IL1RAPL2: variants seen among roughly 807,000 people sequenced by gnomAD.
IL1RAPL2 encodes the protein X-linked interleukin-1 receptor accessory protein-like 2.
Under a neutral mutation model 44.1 loss-of-function variants are expected in IL1RAPL2, and 3 were observed. The observed-to-expected ratio is 0.07, with a 90% CI of 0.03 to 0.18. IL1RAPL2 has a LOEUF of 0.18. IL1RAPL2 is among the 10% of genes least tolerant of loss of function. The pLI is 1.00. For synonymous variants in IL1RAPL2, 181 were observed against 178.8 expected, an observed-to-expected ratio of 1.01 and a Z score of -0.10; for missense variants, 391 against 496.4, an observed-to-expected ratio of 0.79 and a Z score of 2.02.
chrX:105,744,969 C>A (rs1185536226), intron 8 of IL1RAPL2, among the ~76,000 whole-genome samples: 1 of 111,343 alleles, frequency 9.0e-6, no homozygotes, highest in Non-Finnish European at 1.9e-5. Flanking sequence ...CCCACCATAC[C>A]TGAATAGAAA....
In IL1RAPL2 at chrX:105,735,075, A is replaced by G. The variant is rs939121230; in HGVS notation, c.903-5471A>G. On this transcript the variant is annotated intron_variant, in intron 7 of 10. Transcript: ENST00000372582. ...TATTTGAGGGATTTAAGAAAAGTTG[A>G]TAATTTTCAGTTTGTTCACTTTTTT... 3.3e-4 allele frequency among the ~76,000 whole-genome samples: 37 copies of G among 111,661 alleles called. 1 individual carries two copies. Among genetic ancestry groups the G allele is most frequent in the Non-Finnish European group, 6.8e-4 (36 of 53,029 alleles).
At chrX:104,876,959 G>A (rs1374097703) in intron 2 of IL1RAPL2, among the ~76,000 whole-genome samples, 2 of 107,694 alleles carry the variant, frequency 1.9e-5, no homozygotes, top group African/African-American at 6.7e-5. Flanking sequence ...AATTCCCACC[G>A]ATGAGTGAGA....
intron 3 of IL1RAPL2, among the ~76,000 whole-genome samples, chrX:105,221,681 G>T (rs1245361220): frequency 8.9e-6 from 1 of 111,972 alleles, no homozygotes; most frequent in Non-Finnish European, 1.9e-5. Context: ...TTAAGTTTCA[G>T]TCTGTTTACA....
intron 6 of IL1RAPL2, among the ~76,000 whole-genome samples, chrX:105,578,127 C>T (rs1289070377): frequency 4.8e-5 from 5 of 103,939 alleles, no homozygotes; most frequent in African/African-American, 7.0e-5. Context: ...TGAGAACGTG[C>T]GGTGTTTGGT....
At chrX:105,493,653 G>T (rs1419146887) in intron 6 of IL1RAPL2, among the ~76,000 whole-genome samples, 1 of 111,167 alleles carries the variant, frequency 9.0e-6, no homozygotes, top group Non-Finnish European at 1.9e-5. Context: ...TAAGCAGCTT[G>T]AAAGTAGTGA....
chrX:105,109,853 CGA>C (rs1488441036), intron 2 of IL1RAPL2, among the ~76,000 whole-genome samples: 1 of 112,156 alleles, frequency 8.9e-6, no homozygotes, highest in African/African-American at 3.2e-5. Flanking sequence ...TTTTAATTTA[CGA>C]GAGAGCAAAG....
intron 6 of IL1RAPL2, among the ~76,000 whole-genome samples, chrX:105,550,962 A>C (rs1213426829): frequency 9.0e-6 from 1 of 111,606 alleles, no homozygotes; most frequent in Non-Finnish European, 1.9e-5. Context: ...TACATACATA[A>C]ATACATACAT....
chrX:105,148,194 AT>A (rs370205904), intron 2 of IL1RAPL2, among the ~76,000 whole-genome samples: 21 of 109,812 alleles, frequency 1.9e-4, no homozygotes, highest in East Asian at 2.9e-4. Context: ...CTAGGAAGCT[AT>A]TTTTTTTTCT....
chrX:104,717,121 A>G (rs1290198561), intron 2 of IL1RAPL2, among the ~76,000 whole-genome samples: 2 of 112,002 alleles, frequency 1.8e-5, no homozygotes, highest in Admixed American at 9.5e-5. Flanking sequence ...TTGCAGGGGC[A>G]TGGATGCAGC....
rs782346881 is a variant in IL1RAPL2 at position 105,195,615 on chromosome X, A to G, written c.223A>G (p.Met75Val). ...STAQSTGLRL[M>V]WYKNKGDLEE... The stretch of plus-strand genomic sequence containing the variant: ...GGCCCAGAGCACTGGGCTCAGGCTT[A>G]TGTGGTACAAAAACAAAGGTGATTT... The change falls in exon 3 of 11, where the codon ATG becomes GTG. Residue 75 changes from methionine (M) to valine (V), a missense_variant. By Grantham distance (21) the Met-to-Val change is conservative. Transcript: ENST00000372582. 1 of 1,210,528 alleles carries G rather than the reference A, an allele frequency of 8.3e-7. No individual in the cohort carries two copies.
At chrX:105,342,136 A>C (rs1218471325) in intron 5 of IL1RAPL2, among the ~76,000 whole-genome samples, 1 of 83,840 alleles carries the variant, frequency 1.2e-5, no homozygotes, top group East Asian at 4.9e-4. Flanking sequence ...AGGAGGGGGA[A>C]CATCACACAC....
chrX:104,708,747 C>T (rs1184849956), intron 2 of IL1RAPL2, among the ~76,000 whole-genome samples: 2 of 110,588 alleles, frequency 1.8e-5, no homozygotes, highest in Non-Finnish European at 3.8e-5. Flanking sequence ...TTGTTATCAT[C>T]TGAGCAGGGA....
At position 105,594,019 on chromosome X, in the gene IL1RAPL2, A is replaced by C. The variant is rs143905215; in HGVS notation, c.772+109632A>C. Among the ~76,000 whole-genome samples the C allele has an allele frequency of 5.1e-3, 567 of 112,200 alleles. 4 individuals are homozygous for C. The highest frequency in any genetic ancestry group is 0.028 in the Middle Eastern group (6 of 213). ...TTTAAAATTTGTTACATCTTGCTTTATGGTCTGGCATATGATCAATATTTT... is the reference window on the plus strand; with the variant it reads ...TTTAAAATTTGTTACATCTTGCTTTCTGGTCTGGCATATGATCAATATTTT... On this transcript the variant is annotated intron_variant, in intron 6 of 10. Transcript: ENST00000372582.
intron 7 of IL1RAPL2, among the ~76,000 whole-genome samples, chrX:105,731,628 G>T (rs944732878): frequency 7.2e-5 from 8 of 110,867 alleles, no homozygotes; most frequent in African/African-American, 2.6e-4. Flanking sequence ...ATCCTATTCT[G>T]CCATAAAAAG....
At chrX:105,029,111 C>T (rs1044688031) in intron 2 of IL1RAPL2, among the ~76,000 whole-genome samples, 3 of 108,785 alleles carry the variant, frequency 2.8e-5, no homozygotes, top group Non-Finnish European at 5.7e-5. Context: ...TTGTTCAAGC[C>T]CTAGACACAT....
At chrX:105,432,130 T>TG (rs1491275013) in intron 5 of IL1RAPL2, among the ~76,000 whole-genome samples, 2 of 3,601 alleles carry the variant, frequency 5.6e-4, no homozygotes, top group Non-Finnish European at 1.6e-3. Flanking sequence ...TCAATTTGCC[T>TG]TTTTTTTTTT....
chrX:105,086,704 ATGTG>A (rs10536420), intron 2 of IL1RAPL2, among the ~76,000 whole-genome samples: 9,123 of 104,102 alleles, frequency 0.088, 1,013 homozygotes, highest in African/African-American at 0.3. Flanking sequence ...TTGTATATAT[ATGTG>A]TGTGTGTGTG....
intron 2 of IL1RAPL2, among the ~76,000 whole-genome samples, chrX:104,789,644 T>C (rs751215122): frequency 8.9e-6 from 1 of 112,221 alleles, no homozygotes; most frequent in South Asian, 3.7e-4. Flanking sequence ...ATTGTTACCA[T>C]AAGGGAGAAA....
At chrX:104,776,241 A>G (rs1364555862) in intron 2 of IL1RAPL2, among the ~76,000 whole-genome samples, 1 of 112,341 alleles carries the variant, frequency 8.9e-6, no homozygotes, top group Non-Finnish European at 1.9e-5. Context: ...GCAGTAGTGC[A>G]TAGAAGGAGC....
Sources: allele counts gnomAD v4.1 joint callset (sites outside exome capture counted in the v4.1 genomes callset), GRCh38; gene constraint gnomAD v4.1.1; transcripts MANE v1.5; gene names NCBI Gene and HGNC (gene_info 2026-07-23, HGNC 2026-07-21).